Variants in SYNRG observed in about 807,000 individuals in gnomAD.
SYNRG encodes the protein synergin gamma, also known as AP1 gamma subunit binding protein 1.
Under a neutral mutation model 130.9 loss-of-function variants are expected in SYNRG, and 37 were observed. The observed-to-expected ratio is 0.28, with a 90% CI of 0.22 to 0.37. The LOEUF is 0.37. Among genes scored for constraint, SYNRG ranks in the 10% least tolerant of loss-of-function variants. The probability of loss-of-function intolerance (pLI) is 1.00; values close to 1 mark genes in which losing one functional copy is unlikely to be tolerated. For missense variants in SYNRG, 1,338 were observed against 1,588.9 expected (o/e 0.84, Z 2.68); for synonymous variants, 539 against 568.1 (o/e 0.95, Z 0.73).
chr17:37,564,474 G>A (rs754977906), intron 11 of SYNRG, among the ~76,000 whole-genome samples: 55 of 152,158 alleles, frequency 3.6e-4, no homozygotes, highest in Admixed American at 1.0e-3. Flanking sequence ...CACTTTCATT[G>A]TGCCACTTCT....
chr17:37,553,242 G>C lies in SYNRG; in HGVS notation c.2481C>G (p.Asp827Glu). ...SIGGSSVGKE[D>E]SEDALSVQFD... is the part of the protein sequence containing the mutation. ...ACTGAACAGAGAGTGCATCTTCAGAGTCCTCCTTGCCAACACTGCTGCCAC... is the reference window on the plus strand; with the variant it reads ...ACTGAACAGAGAGTGCATCTTCAGACTCCTCCTTGCCAACACTGCTGCCAC... Residue 827 changes from aspartate (D) to glutamate (E), a missense_variant, in exon 14 of 22, where the codon GAC (aspartate) becomes GAG (glutamate). By Grantham distance (45) the Asp-to-Glu change is conservative (BLOSUM62 2). This residue lies in a region of SYNRG where 1,146 missense variants were observed against 1,342.3 expected (regional missense o/e 0.85). Transcript: ENST00000612223. The C allele has an allele frequency of 6.2e-7, 1 of 1,614,000 alleles. No homozygotes were observed. The highest frequency in any genetic ancestry group is 1.3e-5 in the African/African-American group (1 of 75,024).
chr17:37,604,651 T>C (rs2063587785), intron 1 of SYNRG, among the ~76,000 whole-genome samples: 1 of 152,256 alleles, frequency 6.6e-6, no homozygotes, highest in Non-Finnish European at 1.5e-5. Flanking sequence ...ACTTTTCCTC[T>C]GCATTCACAA....
rs1256907593 is a variant in SYNRG at position 37,553,303 on chromosome 17, G to C, written c.2420C>G (p.Ser807Cys). Residue 807 changes from serine to cysteine, a missense_variant, in exon 14 of 22, where the codon TCT becomes TGT. Ser to Cys is a moderately radical substitution (Grantham distance 112). Around this residue, in one of 3 missense-constraint regions of SYNRG, gnomAD observed 1,146 missense variants for 1,342.3 expected, o/e 0.85. Transcript: ENST00000612223. ...GAGATCTAAGGACTTCACTGATGCA[G>C]AGTCTTCTTTGGTGTGTCTGAAAGC... ...AVAFRHTKEDSASVKSLDLPS... is the reference protein window; with the variant it reads ...AVAFRHTKEDCASVKSLDLPS... The C allele has an allele frequency of 1.2e-6, 2 of 1,613,952 alleles. No individual in the cohort carries two copies. Among genetic ancestry groups the C allele is most frequent in the Non-Finnish European group, 1.7e-6 (2 of 1,179,996 alleles).
At chr17:37,599,276 T>C (rs1312175913) in intron 2 of SYNRG, among the ~76,000 whole-genome samples, 4 of 152,220 alleles carry the variant, frequency 2.6e-5, no homozygotes, top group Admixed American at 2.6e-4. Context: ...CTATTCCTTC[T>C]TCACTGTTGT....
In SYNRG at chr17:37,568,848, C is replaced by A; in HGVS notation, c.1424G>T (p.Ser475Ile). The A allele has an allele frequency of 1.9e-6, 3 of 1,614,118 alleles. No individual in the cohort carries two copies. The highest frequency in any genetic ancestry group is 2.5e-6 in the Non-Finnish European group (3 of 1,179,990). The change falls in exon 11 of 22, where the codon AGT (serine) becomes ATT (isoleucine). Residue 475 changes from serine to isoleucine, a missense_variant. Around this residue, in one of 3 missense-constraint regions of SYNRG, gnomAD observed 1,146 missense variants for 1,342.3 expected, o/e 0.85. Coordinates refer to ENST00000612223, the MANE Select transcript of SYNRG (RefSeq NM_007247.6). Reference protein sequence around the residue: ...SKSGSLDDSFSDFQELPASSK... With the variant: ...SKSGSLDDSFIDFQELPASSK... Reference sequence around the variant, plus strand: ...AGAAGCAGGCAACTCTTGGAAATCACTGAATGAGTCATCAAGGGATCCTGA... The same window carrying A: ...AGAAGCAGGCAACTCTTGGAAATCAATGAATGAGTCATCAAGGGATCCTGA...
intron 17 of SYNRG, 60 bp downstream of exon 17, chr17:37,539,132 A>G: frequency 6.2e-7 from 1 of 1,601,456 alleles, no homozygotes. Flanking sequence ...ATGAACCAAG[A>G]AGGCAAAAAG....
rs2054568292 is a variant in SYNRG at position 37,518,155 on chromosome 17, T to C, written c.*785A>G. The C allele has an allele frequency of 6.6e-6, 1 of 152,220 alleles. No homozygotes were observed. Among genetic ancestry groups the C allele is most frequent in the Admixed American group, 6.5e-5 (1 of 15,278 alleles). 9.4% of individuals were successfully genotyped at this position (152,220 alleles called of 1,614,324 possible). ...TTCATTCCACTGCCTTTCCAAATCT[T>C]GTCTGAGAAAACTCCATGGTCACAG... On this transcript the variant is annotated 3_prime_UTR_variant, in exon 22 of 22. Transcript: ENST00000612223.
At chr17:37,599,760 C>T (rs1414543962) in intron 2 of SYNRG, among the ~76,000 whole-genome samples, 2 of 152,086 alleles carry the variant, frequency 1.3e-5, no homozygotes, top group East Asian at 3.8e-4. Flanking sequence ...AATCCTGAGA[C>T]TTAAATACTT....
chr17:37,605,110 G>A (rs2063634123), intron 1 of SYNRG, among the ~76,000 whole-genome samples: 1 of 152,102 alleles, frequency 6.6e-6, no homozygotes, highest in African/African-American at 2.4e-5. Context: ...AAAATTGCGC[G>A]GATAAACTTG....
Position 37,515,041 on chromosome 17 carries a change from T to C in SYNRG, c.*3899A>G, listed in dbSNP as rs1004903523. 1 of 152,232 alleles carries C rather than the reference T, an allele frequency of 6.6e-6. No individual in the cohort carries two copies. The highest frequency in any genetic ancestry group is 1.5e-5 in the Non-Finnish European group (1 of 68,044). 9.4% of individuals were successfully genotyped at this position (152,232 alleles called of 1,614,324 possible). A position where few individuals can be genotyped will look rare whatever the true frequency, so the allele number is the denominator to read the frequency against. The stretch of plus-strand genomic sequence containing the variant: ...AAGGGCCACAGCATTCACTGGTTAA[T>C]AAAGCCACAGCTACAAAGTAATGAG... On this transcript the variant is annotated 3_prime_UTR_variant, in exon 22 of 22. Transcript: ENST00000612223.
In SYNRG at chr17:37,518,998, A is replaced by G; in HGVS notation, c.3887T>C (p.Phe1296Ser). The G allele has an allele frequency of 6.2e-7, 1 of 1,614,254 alleles. No individual in the cohort carries two copies. The highest frequency in any genetic ancestry group is 8.5e-7 in the Non-Finnish European group (1 of 1,180,046). The change falls in exon 22 of 22, where the codon TTC becomes TCC. Residue 1296 changes from phenylalanine (F) to serine (S), a missense_variant. Phe to Ser is a radical substitution (Grantham distance 155). This residue lies in a region of SYNRG where 1,146 missense variants were observed against 1,342.3 expected (regional missense o/e 0.85). Coordinates refer to ENST00000612223, the MANE Select transcript of SYNRG (RefSeq NM_007247.6). Reference protein sequence around the residue: ...GHQYHASCANFWINCVEPKPP... With the variant: ...GHQYHASCANSWINCVEPKPP... ...CTTTGGTTCGACACAGTTGATCCAG[A>G]AGTTGGCACAGCTGGCGTGATACTG...
At chr17:37,579,068 A>G (rs2061079307) in intron 6 of SYNRG, 2 of 1,051,524 alleles carry the variant, frequency 1.9e-6, no homozygotes, top group Middle Eastern at 2.6e-4. Flanking sequence ...TTCTACTTAT[A>G]TAACAGAAAT....
rs774289042 is a variant in SYNRG at position 37,561,592 on chromosome 17, G to A, written c.1482-3C>T. 9 of 1,602,980 alleles carry A rather than the reference G, an allele frequency of 5.6e-6. No homozygotes were observed. In the East Asian group the frequency reaches 1.6e-4, roughly 28 times the overall value. ...GTGGCATCAACAAAGAAGGGGCACT[G>A]AAGGAAAAAATAAACATATTTTGAT... is the stretch of plus-strand genomic sequence containing the variant. On this transcript the variant is annotated splice_region_variant and splice_polypyrimidine_tract_variant and intron_variant, in intron 11 of 21. Transcript: ENST00000612223.
At chr17:37,602,770 TC>T (rs1405035970) in intron 1 of SYNRG, among the ~76,000 whole-genome samples, 2 of 152,216 alleles carry the variant, frequency 1.3e-5, no homozygotes, top group Non-Finnish European at 2.9e-5. Flanking sequence ...ATGCCTGTAA[TC>T]CCAGCACTTT....
In SYNRG at chr17:37,540,482, T is replaced by C; in HGVS notation, c.3264A>G (p.Pro1088=). Residue 1088 remains proline, a synonymous_variant, in exon 16 of 22, where the codon CCA becomes CCG. Coordinates refer to ENST00000612223, the MANE Select transcript of SYNRG (RefSeq NM_007247.6). ...DKEISRSSPS[P]ALEQPFRDRS... is the part of the protein sequence containing the mutation. ...GGTCTCTGAAAGGCTGCTCCAAAGC[T>C]GGAGAAGGAGAAGAACGGCTTATTT... 2 of 1,614,062 alleles carry C rather than the reference T, an allele frequency of 1.2e-6. No homozygotes were observed. The highest frequency in any genetic ancestry group is 1.7e-6 in the Non-Finnish European group (2 of 1,180,002).
rs978777115 is a variant in SYNRG at position 37,518,014 on chromosome 17, A to G, written c.*926T>C. The stretch of plus-strand genomic sequence containing the variant: ...TACTTTACACTAGGCCGAGAGCTCC[A>G]CATTTTCACCCTGAATTAATTTTCA... On this transcript the variant is annotated 3_prime_UTR_variant, in exon 22 of 22. Coordinates refer to ENST00000612223, the MANE Select transcript of SYNRG (RefSeq NM_007247.6). 1 of 152,242 alleles carries G rather than the reference A, an allele frequency of 6.6e-6. No homozygotes were observed. The highest frequency in any genetic ancestry group is 1.5e-5 in the Non-Finnish European group (1 of 68,048). The allele number at this position is 152,242 out of a possible 1,614,324, so 9.4% of individuals were successfully genotyped here.
intron 19 of SYNRG, 71 bp from the exon 20 acceptor site, chr17:37,520,719 A>G: frequency 7.8e-7 from 1 of 1,287,356 alleles, no homozygotes; most frequent in Non-Finnish European, 1.1e-6. Context: ...CTCCCTCATC[A>G]CTCACCCCCA....
chr17:37,579,834 C>A (rs758362363), intron 6 of SYNRG, among the ~76,000 whole-genome samples: 1 of 152,000 alleles, frequency 6.6e-6, no homozygotes, highest in Non-Finnish European at 1.5e-5. Context: ...CCTCAGCCTC[C>A]TGAGTAGCTA....
intron 19 of SYNRG, among the ~76,000 whole-genome samples, chr17:37,527,825 A>G (rs1357868095): frequency 6.6e-6 from 1 of 152,096 alleles, no homozygotes; most frequent in Non-Finnish European, 1.5e-5. Flanking sequence ...CCCCCCATGG[A>G]CAGGGGAATG....
Sources: allele counts gnomAD v4.1 joint callset (sites outside exome capture counted in the v4.1 genomes callset), GRCh38; gene constraint gnomAD v4.1.1; regional missense constraint gnomAD v4.1.1; transcripts MANE v1.5; gene names NCBI Gene and HGNC (gene_info 2026-07-23, HGNC 2026-07-21).